Variants in WASL observed in about 807,000 individuals in gnomAD.
The protein encoded by WASL is WASP like actin nucleation promoting factor.
WASL carries 20 observed loss-of-function variants against 55.5 expected under a neutral mutation model. That is an observed-to-expected ratio of 0.36 (90% confidence interval 0.25 to 0.52). The LOEUF (loss-of-function observed/expected upper bound fraction) is 0.52, where lower values mean the gene tolerates loss of function less well. Among genes scored for constraint, WASL ranks in the 20% least tolerant of loss-of-function variants. WASL has a pLI of 0.92. For missense variants in WASL, 504 were observed against 622.5 expected, an observed-to-expected ratio of 0.81 and a Z score of 2.03; for synonymous variants, 249 against 217.6, an observed-to-expected ratio of 1.14 and a Z score of -1.27.
chr7:123,684,892 T>C (rs988335705), intron 10 of WASL, among the ~76,000 whole-genome samples: 14 of 152,016 alleles, frequency 9.2e-5, no homozygotes, highest in Admixed American at 6.6e-5. Flanking sequence ...TACCTTCTTG[T>C]ACTCTTCATA....
chr7:123,707,030 T>C (rs1033570270), intron 2 of WASL, among the ~76,000 whole-genome samples: 8 of 152,170 alleles, frequency 5.3e-5, no homozygotes, highest in Admixed American at 1.3e-4. Flanking sequence ...TAACGTATCT[T>C]TCATAAAACC....
At chr7:123,692,990 A>G in intron 8 of WASL, 123 bp from the exon 9 acceptor site, 1 of 1,241,516 alleles carries the variant, frequency 8.1e-7, no homozygotes, top group East Asian at 2.8e-5. Flanking sequence ...TCATCTTTGC[A>G]TTTTATTTTA....
intron 1 of WASL, among the ~76,000 whole-genome samples, chr7:123,740,595 CTTTT>C (rs939774304): frequency 1.3e-5 from 2 of 149,866 alleles, no homozygotes; most frequent in South Asian, 4.2e-4. Context: ...TTCATCATAA[CTTTT>C]TTTTTTGTTT....
intron 10 of WASL, among the ~76,000 whole-genome samples, chr7:123,688,398 T>C (rs932586058): frequency 3.9e-5 from 6 of 152,184 alleles, no homozygotes; most frequent in African/African-American, 1.4e-4. Flanking sequence ...TTTGCTCTTG[T>C]TGCCCATGTC....
chr7:123,702,134 C>G (rs1298883084), intron 5 of WASL, among the ~76,000 whole-genome samples: 2 of 151,756 alleles, frequency 1.3e-5, no homozygotes, highest in Admixed American at 6.6e-5. Flanking sequence ...GGCTCACTTG[C>G]AACCTCCGCC....
Position 123,708,834 on chromosome 7 carries a change from A to T in WASL, c.252+255T>A, listed in dbSNP as rs573775581. ...GCCCAAGAACCAACAGGCATAATTT[A>T]AAAAAAAAAAAAGCCTTAATGCGTG... On this transcript the variant is annotated intron_variant, in intron 2 of 10. Coordinates refer to ENST00000223023, the MANE Select transcript of WASL (RefSeq NM_003941.4). 2.7e-4 allele frequency among the ~76,000 whole-genome samples: 38 copies of T among 142,806 alleles called. No individual in the cohort carries two copies. The South Asian group carries it at 4.6e-3, about 17-fold the overall frequency. The allele number at this position is 142,806 out of a possible 152,430, so 93.7% of individuals were successfully genotyped here.
intron 1 of WASL, among the ~76,000 whole-genome samples, chr7:123,709,463 T>C (rs1160966394): frequency 2.6e-5 from 4 of 152,226 alleles, no homozygotes; most frequent in Admixed American, 1.3e-4. Context: ...AAAACATTTA[T>C]TGATGCTTAA....
At chr7:123,693,039 T>C (rs1803438995) in intron 8 of WASL, among the ~76,000 whole-genome samples, 172 bp from the exon 9 acceptor site, 2 of 152,218 alleles carry the variant, frequency 1.3e-5, no homozygotes, top group South Asian at 4.1e-4. Flanking sequence ...CACAATTTTT[T>C]TTGAGAATTG....
At position 123,748,807 on chromosome 7, in the gene WASL, G is replaced by A. The variant is rs997584939; in HGVS notation, c.-73C>T. On this transcript the variant is annotated 5_prime_UTR_variant, in exon 1 of 11. Transcript: ENST00000223023. ...TGGGCGAGAGCTCGTTCCCCCTCTC[G>A]GTGACAGGGGCGGGGAGAAGTGGAG... 23 of 1,275,034 alleles carry A rather than the reference G, an allele frequency of 1.8e-5. No individual in the cohort carries two copies. The East Asian group carries it at 6.9e-4, about 38-fold the overall frequency. 79.0% of individuals were successfully genotyped at this position (1,275,034 alleles called of 1,614,324 possible). A position where few individuals can be genotyped will look rare whatever the true frequency, so the allele number is the denominator to read the frequency against.
At chr7:123,734,591 T>TTA (rs1804195363) in intron 1 of WASL, among the ~76,000 whole-genome samples, 2 of 92,362 alleles carry the variant, frequency 2.2e-5, no homozygotes, top group African/African-American at 4.2e-5. Context: ...ATAGAAAATG[T>TTA]AAAAAAAAAA....
intron 2 of WASL, among the ~76,000 whole-genome samples, chr7:123,707,213 C>T (rs986356979): frequency 1.3e-5 from 2 of 152,070 alleles, no homozygotes; most frequent in Non-Finnish European, 2.9e-5. Context: ...CACAGTTCCA[C>T]CAGCAATATT....
chr7:123,693,442 T>C (rs144397341), intron 8 of WASL, among the ~76,000 whole-genome samples: 9 of 152,334 alleles, frequency 5.9e-5, no homozygotes. Flanking sequence ...TAGCATAATG[T>C]CTGTATCTCT....
chr7:123,685,916 T>C (rs1329010872), intron 10 of WASL, among the ~76,000 whole-genome samples: 1 of 148,494 alleles, frequency 6.7e-6, no homozygotes, highest in Non-Finnish European at 1.5e-5. Context: ...ATAGGACCCA[T>C]GAAGGCCAAG....
chr7:123,686,023 C>T (rs1461702338), intron 10 of WASL, among the ~76,000 whole-genome samples: 1 of 150,648 alleles, frequency 6.6e-6, no homozygotes, highest in African/African-American at 2.4e-5. Context: ...GTACAGAACA[C>T]AGAACAATCT....
intron 1 of WASL, among the ~76,000 whole-genome samples, chr7:123,714,351 GAA>G (rs1360245476): frequency 6.6e-6 from 1 of 151,872 alleles, no homozygotes; most frequent in African/African-American, 2.4e-5. Flanking sequence ...AACCAGAAAA[GAA>G]AAGAGAAAAC....
At chr7:123,736,588 C>T (rs1804234504) in intron 1 of WASL, among the ~76,000 whole-genome samples, 1 of 151,964 alleles carries the variant, frequency 6.6e-6, no homozygotes, top group Non-Finnish European at 1.5e-5. Context: ...CTTATGGGGC[C>T]TTATCACATA....
chr7:123,719,654 A>G (rs1000265451), intron 1 of WASL, among the ~76,000 whole-genome samples: 6 of 152,310 alleles, frequency 3.9e-5, no homozygotes, highest in Admixed American at 2.6e-4. Context: ...TATGGCACAA[A>G]GCCCTCTTCA....
chr7:123,698,370 T>C (rs1293856372), intron 5 of WASL, among the ~76,000 whole-genome samples: 2 of 151,810 alleles, frequency 1.3e-5, no homozygotes, highest in South Asian at 2.1e-4. Flanking sequence ...AAAAAGTTTA[T>C]TTACATGGGT....
intron 1 of WASL, among the ~76,000 whole-genome samples, chr7:123,715,946 A>G (rs559647259): frequency 6.6e-6 from 1 of 152,306 alleles, no homozygotes; most frequent in African/African-American, 2.4e-5. Flanking sequence ...TGATCTCATT[A>G]TAGACTGGGT....
Sources: allele counts gnomAD v4.1 joint callset (sites outside exome capture counted in the v4.1 genomes callset), GRCh38; gene constraint gnomAD v4.1.1; transcripts MANE v1.5; gene names NCBI Gene and HGNC (gene_info 2026-07-23, HGNC 2026-07-21).